Variants in POLR2B observed in about 807,000 individuals in gnomAD.
The protein encoded by POLR2B is RNA polymerase II subunit B, also known as DNA-directed RNA polymerase II subunit RPB2.
POLR2B carries 57 observed loss-of-function variants against 144.6 expected under a neutral mutation model. That is an observed-to-expected ratio of 0.39 (90% CI 0.32 to 0.49). POLR2B has a LOEUF of 0.49. Among genes scored for constraint, POLR2B ranks in the 20% least tolerant of loss-of-function variants. The pLI, the probability that POLR2B is intolerant of heterozygous loss-of-function variation, is 0.83. For synonymous variants in POLR2B, 442 were observed against 469.8 expected, an observed-to-expected ratio of 0.94 and a Z score of 0.77; for missense variants, 595 against 1,467.4, an observed-to-expected ratio of 0.41 and a Z score of 9.71.
intron 1 of POLR2B, among the ~76,000 whole-genome samples, chr4:56,984,559 T>G (rs1722259587): frequency 6.6e-6 from 1 of 152,206 alleles, no homozygotes. Flanking sequence ...TTTTCCACCA[T>G]CTTACTTGCT....
intron 8 of POLR2B, 32 bp from the exon 9 acceptor site, chr4:57,005,568 C>CTT: frequency 6.6e-7 from 1 of 1,525,426 alleles, no homozygotes; most frequent in South Asian, 1.3e-5. Flanking sequence ...AGTGTTTTCC[C>CTT]TCTTTCTTTC....
At chr4:57,030,151 C>T (rs913241643) in intron 23 of POLR2B, 53 bp from the exon 24 acceptor site, 39 of 1,368,466 alleles carry the variant, frequency 2.8e-5, no homozygotes, top group South Asian at 4.8e-5. Context: ...TTATTCAAGG[C>T]GGTGTTTATA....
At chr4:57,018,450 G>A (rs1723435139) in intron 16 of POLR2B, among the ~76,000 whole-genome samples, 1 of 152,124 alleles carries the variant, frequency 6.6e-6, no homozygotes, top group South Asian at 2.1e-4. Context: ...GCAATGAAGA[G>A]AGGAATTGGA....
intron 6 of POLR2B, 116 bp downstream of exon 6, chr4:56,995,525 C>T (rs1722651844): frequency 3.1e-6 from 2 of 645,102 alleles, no homozygotes; most frequent in East Asian, 2.7e-5. Flanking sequence ...TGTTATATAT[C>T]GTATTGTTTA....
In POLR2B at chr4:57,011,075, G is replaced by C; in HGVS notation, c.1775G>C (p.Arg592Pro). 1 of 1,609,374 alleles carries C rather than the reference G, an allele frequency of 6.2e-7. No individual in the cohort carries two copies. Among genetic ancestry groups the C allele is most frequent in the Non-Finnish European group, 8.5e-7 (1 of 1,175,676 alleles). ...ATGAACACCCTAAGGAAATTGAGACGTCAGATGGACATCATTGTGTCTGAA... is the reference window on the plus strand; with the variant it reads ...ATGAACACCCTAAGGAAATTGAGACCTCAGATGGACATCATTGTGTCTGAA... ...QLMNTLRKLR[R>P]QMDIIVSEVS... is the part of the protein sequence containing the mutation. Residue 592 changes from arginine (R) to proline (P), a missense_variant, in exon 13 of 25, where the codon CGT becomes CCT. Transcript: ENST00000314595.
intron 13 of POLR2B, among the ~76,000 whole-genome samples, chr4:57,012,133 G>C (rs1723205647): frequency 6.6e-6 from 1 of 152,048 alleles, no homozygotes; most frequent in Non-Finnish European, 1.5e-5. Context: ...GGCCGGGCCT[G>C]GTGGCTCATG....
intron 1 of POLR2B, among the ~76,000 whole-genome samples, chr4:56,980,149 C>T (rs902785245): frequency 2.7e-5 from 4 of 147,732 alleles, no homozygotes; most frequent in African/African-American, 1.0e-4. Flanking sequence ...TGGTCTCAAA[C>T]TCCTGAGGTC....
In POLR2B at chr4:57,010,743, T is replaced by G; in HGVS notation, c.1549-5T>G. On this transcript the variant is annotated splice_polypyrimidine_tract_variant and splice_region_variant and intron_variant, in intron 11 of 24. Transcript: ENST00000314595. ...AGAATGACTAATACTTGGTTTATTT[T>G]TTAGGGCCATGCTGTAGGACTTGTG... 6.3e-7 allele frequency: 1 copy of G among 1,579,952 alleles called. No individual in the cohort carries two copies.
chr4:56,992,406 A>C (rs1722539263), intron 3 of POLR2B, among the ~76,000 whole-genome samples: 1 of 124,332 alleles, frequency 8.0e-6, no homozygotes, highest in Non-Finnish European at 1.6e-5. Flanking sequence ...CGGAGGTTGC[A>C]GCGAGCTGAG....
At chr4:56,989,455 C>T (rs1722442749) in intron 2 of POLR2B, among the ~76,000 whole-genome samples, 1 of 152,158 alleles carries the variant, frequency 6.6e-6, no homozygotes, top group Non-Finnish European at 1.5e-5. Context: ...TGTTTTCTAC[C>T]ATAGGACCTA....
At chr4:56,988,832 A>G (rs1722415608) in intron 2 of POLR2B, among the ~76,000 whole-genome samples, 1 of 152,204 alleles carries the variant, frequency 6.6e-6, no homozygotes, top group African/African-American at 2.4e-5. Context: ...GTGTGCCTAT[A>G]TTCTACATTC....
At chr4:56,981,161 A>G (rs1347420408) in intron 1 of POLR2B, among the ~76,000 whole-genome samples, 1 of 152,064 alleles carries the variant, frequency 6.6e-6, no homozygotes, top group Non-Finnish European at 1.5e-5. Context: ...CTTTTTTTAA[A>G]GACAGTAATA....
chr4:56,986,327 A>G (rs1475950112), intron 1 of POLR2B, 27 bp from the exon 2 acceptor site: 3 of 1,404,616 alleles, frequency 2.1e-6, no homozygotes, highest in East Asian at 2.3e-5. Context: ...CTCATTGCAA[A>G]TGAGTACAAT....
chr4:57,002,630 C>G (rs1722890137), intron 7 of POLR2B: 2 of 152,076 alleles, frequency 1.3e-5, no homozygotes, highest in Non-Finnish European at 2.9e-5. Context: ...CTTTGGTTGA[C>G]ATGGCCTTTT....
Position 57,022,236 on chromosome 4 carries a change from A to T in POLR2B, c.2505A>T (p.Glu835Asp), listed in dbSNP as rs772064475. The change falls in exon 18 of 25, where the codon GAA (glutamate) becomes GAT (aspartate). Residue 835 changes from glutamate to aspartate, a missense_variant. By Grantham distance (45) the Glu-to-Asp change is conservative (BLOSUM62 2). This residue lies in a region of POLR2B where 75 missense variants were observed against 100.0 expected (regional missense o/e 0.75). Coordinates refer to ENST00000314595, the MANE Select transcript of POLR2B (RefSeq NM_000938.3). ...QEEVFEKPTRETCQGMRHAIY... is the reference protein window; with the variant it reads ...QEEVFEKPTRDTCQGMRHAIY... ...AAGTTTTTGAGAAGCCTACACGTGA[A>T]ACATGCCAGGGTAAGTGACACTAAC... 51 of 1,597,944 alleles carry T rather than the reference A, an allele frequency of 3.2e-5. No individual in the cohort carries two copies. Among genetic ancestry groups the T allele is most frequent in the Non-Finnish European group, 4.4e-5 (51 of 1,165,962 alleles).
rs746053498 is a variant in POLR2B at position 56,999,787 on chromosome 4, G to A, written c.900+6G>A. 4.4e-6 allele frequency: 7 copies of A among 1,583,870 alleles called. No individual in the cohort carries two copies. In the African/African-American group the frequency reaches 6.7e-5, roughly 15 times the overall value. ...ATCCAGAGATGATGGAAATGGTAAT[G>A]TGAAAGCAAAATGTATTCACAGAGC... On this transcript the variant is annotated splice_donor_region_variant and intron_variant, in intron 7 of 24. Transcript: ENST00000314595.
intron 13 of POLR2B, among the ~76,000 whole-genome samples, chr4:57,011,809 G>A (rs1392007104): frequency 2.0e-5 from 3 of 152,084 alleles, no homozygotes; most frequent in African/African-American, 7.2e-5. Flanking sequence ...GCGACAGAGC[G>A]AGACTCCATC....
intron 7 of POLR2B, chr4:57,002,546 C>T (rs1722887074): frequency 6.6e-6 from 1 of 151,962 alleles, no homozygotes; most frequent in Admixed American, 6.6e-5. Flanking sequence ...TTAACAAAAT[C>T]ATTTTTTTTA....
intron 23 of POLR2B, among the ~76,000 whole-genome samples, chr4:57,025,848 AT>A (rs1219518247): frequency 6.6e-6 from 1 of 151,868 alleles, no homozygotes; most frequent in Non-Finnish European, 1.5e-5. Context: ...CTAAATTAAT[AT>A]TGTCTCTTAA....
Sources: gnomAD v4.1 joint callset for allele counts (sites outside exome capture counted in the v4.1 genomes callset) on GRCh38, gnomAD v4.1.1 for gene constraint, gnomAD v4.1.1 regional missense constraint, MANE v1.5 for transcripts, NCBI Gene and HGNC (gene_info 2026-07-23, HGNC 2026-07-21) for gene names.